Variants in MROH1 observed in about 807,000 individuals in gnomAD.
MROH1 encodes maestro heat-like repeat-containing protein family member 1.
In MROH1, 117 loss-of-function variants were observed where a neutral mutation model predicts 116.5. The observed-to-expected ratio is 1.00, with a 90% CI of 0.86 to 1.17. The LOEUF (loss-of-function observed/expected upper bound fraction) is 1.17, where lower values mean the gene tolerates loss of function less well. Among genes scored for constraint, MROH1 ranks in the 50% most tolerant of loss-of-function variants. MROH1 has a pLI of 0.00. For missense variants in MROH1, 1,873 were observed against 1,338.5 expected (o/e 1.40, Z -6.23); for synonymous variants, 921 against 583.9 (o/e 1.58, Z -8.32).
At chr8:144,219,426 G>A (rs1489876051) in intron 12 of MROH1, among the ~76,000 whole-genome samples, 1 of 152,106 alleles carries the variant, frequency 6.6e-6, no homozygotes, top group East Asian at 1.9e-4. Flanking sequence ...CCAAAGTGCT[G>A]GGTTTACAGC....
At chr8:144,257,241 A>C (rs983577668) in intron 35 of MROH1, among the ~76,000 whole-genome samples, 1 of 152,168 alleles carries the variant, frequency 6.6e-6, no homozygotes. Flanking sequence ...AGGCTTTTCC[A>C]GAGCTGCCTT....
chr8:144,259,386 C>G, intron 37 of MROH1, 32 bp downstream of exon 37: 1 of 714,586 alleles, frequency 1.4e-6, no homozygotes, highest in Non-Finnish European at 2.6e-6. Context: ...TGCTGGGCAC[C>G]AAGGTGGGGC....
Position 144,220,562 on chromosome 8 carries a change from T to A in MROH1, c.1142-38T>A, listed in dbSNP as rs1439197378. On this transcript the variant is annotated intron_variant, in intron 12 of 43. Coordinates refer to ENST00000326134, the MANE Select transcript of MROH1 (RefSeq NM_032450.3). ...TGGAATGGACCTTGAGGTCCTCATC[T>A]CAGTGGTAGGCTGAGCTGTCCTGTT... is the stretch of plus-strand genomic sequence containing the variant. 4 of 1,548,118 alleles carry A rather than the reference T, an allele frequency of 2.6e-6. No homozygotes were observed. The African/African-American group carries it at 5.5e-5, about 21-fold the overall frequency.
intron 37 of MROH1, 81 bp from the exon 38 acceptor site, chr8:144,259,830 C>T: frequency 1.4e-6 from 1 of 710,162 alleles, no homozygotes; most frequent in Admixed American, 2.0e-5. Flanking sequence ...TGGGGACAGC[C>T]TCTGGTGTTC....
chr8:144,195,113 T>G (rs1435463936), intron 10 of MROH1, among the ~76,000 whole-genome samples: 15 of 135,634 alleles, frequency 1.1e-4, no homozygotes, highest in Middle Eastern at 4.1e-3. Flanking sequence ...GAGGATCGCT[T>G]GAGCCCAGGA....
At chr8:144,256,174 C>G (rs1390822838) in intron 35 of MROH1, among the ~76,000 whole-genome samples, 3 of 152,132 alleles carry the variant, frequency 2.0e-5, no homozygotes, top group Non-Finnish European at 4.4e-5. Context: ...ATGAAGCATT[C>G]CAGGTCCTAC....
At chr8:144,213,033 C>T in intron 12 of MROH1, 1 of 779,708 alleles carries the variant, frequency 1.3e-6, no homozygotes, top group Non-Finnish European at 2.4e-6. Context: ...TTGCCATCAG[C>T]AGTCACACGA....
chr8:144,257,236 T>C (rs1844043777), intron 35 of MROH1, among the ~76,000 whole-genome samples: 1 of 152,164 alleles, frequency 6.6e-6, no homozygotes, highest in South Asian at 2.1e-4. Context: ...ACTCCAGGCT[T>C]TTCCAGAGCT....
intron 1 of MROH1, among the ~76,000 whole-genome samples, chr8:144,153,807 C>T (rs1366774365): frequency 6.6e-6 from 1 of 152,242 alleles, no homozygotes; most frequent in Non-Finnish European, 1.5e-5. Flanking sequence ...ATCGCCCAGG[C>T]TGGAGTGCAG....
In MROH1 at chr8:144,250,269, G is replaced by A. The variant is rs1052859902; in HGVS notation, c.3331G>A (p.Val1111Ile). The A allele has an allele frequency of 1.6e-5, 12 of 767,610 alleles. No individual in the cohort carries two copies. Among genetic ancestry groups the A allele is most frequent in the Admixed American group, 3.4e-5 (2 of 58,490 alleles). 47.5% of individuals were successfully genotyped at this position (767,610 alleles called of 1,614,324 possible). ...SKLQEAQGEHVLPAAQHSVYL... is the reference protein window; with the variant it reads ...SKLQEAQGEHILPAAQHSVYL... ...GCTTCAGGAGGCCCAGGGAGAGCAC[G>A]TCCTGCCGGCCGCCCAGCACAGCGT... The change falls in exon 33 of 44, where the codon GTC becomes ATC. Residue 1111 changes from valine (V) to isoleucine (I), a missense_variant. Transcript: ENST00000326134.
chr8:144,258,279 C>T (rs1307007941), intron 35 of MROH1, among the ~76,000 whole-genome samples: 1 of 152,228 alleles, frequency 6.6e-6, no homozygotes, highest in African/African-American at 2.4e-5. Flanking sequence ...CCCTCCAGCT[C>T]TCGGCACCAT....
In MROH1 at chr8:144,261,714, C is replaced by A; in HGVS notation, c.4900C>A (p.Leu1634Met). ...GGTGCGGACGAGGGCTGCTGAGGCCCTGGGCCGCCTGGTGAAGCTCGCCTA... is the reference window on the plus strand; with the variant it reads ...GGTGCGGACGAGGGCTGCTGAGGCCATGGGCCGCCTGGTGAAGCTCGCCTA... ...PEVRTRAAEA[L>M]GRLVKLA The change falls in exon 44 of 44, where the codon CTG becomes ATG. Residue 1634 changes from leucine (L) to methionine (M), a missense_variant. Coordinates refer to ENST00000326134, the MANE Select transcript of MROH1 (RefSeq NM_032450.3). 1.4e-6 allele frequency: 1 copy of A among 721,336 alleles called. No homozygotes were observed. Among genetic ancestry groups the A allele is most frequent in the Non-Finnish European group, 2.5e-6 (1 of 396,234 alleles). The allele number at this position is 721,336 out of a possible 1,614,324, so 44.7% of individuals were successfully genotyped here.
At chr8:144,202,117 A>G (rs191299611) in intron 12 of MROH1, among the ~76,000 whole-genome samples, 12 of 152,094 alleles carry the variant, frequency 7.9e-5, no homozygotes, top group African/African-American at 2.9e-4. Flanking sequence ...AGGTGTAGGC[A>G]CCTCAGGACA....
At chr8:144,242,114 C>T (rs950101756) in intron 22 of MROH1, 17 of 585,754 alleles carry the variant, frequency 2.9e-5, no homozygotes, top group East Asian at 2.0e-4. Context: ...TCTGCTACCT[C>T]GGCCCTTGGC....
Position 144,191,873 on chromosome 8 carries a change from AG to A in MROH1, c.855+20del, listed in dbSNP as rs1564439621. The A allele has an allele frequency of 6.2e-7, 1 of 1,612,646 alleles. No individual in the cohort carries two copies. Among genetic ancestry groups the A allele is most frequent in the Admixed American group, 1.7e-5 (1 of 59,978 alleles). ...TGTCCAAGGTATCTGCAGGCAGGGC[AG>A]GTCTACTGTCCCCGAGGACCCCTCC... On this transcript the variant is annotated intron_variant, in intron 9 of 43. Coordinates refer to ENST00000326134, the MANE Select transcript of MROH1 (RefSeq NM_032450.3).
At chr8:144,210,439 C>T (rs950303499) in intron 12 of MROH1, among the ~76,000 whole-genome samples, 2 of 152,190 alleles carry the variant, frequency 1.3e-5, no homozygotes, top group East Asian at 1.9e-4. Flanking sequence ...CACCTGTAAT[C>T]CCAGCACTTT....
chr8:144,220,744 C>T (rs1487019870), intron 13 of MROH1, 71 bp downstream of exon 13: 1 of 1,385,892 alleles, frequency 7.2e-7, no homozygotes. Flanking sequence ...CCAGGCTGTG[C>T]TGTGAGATCA....
At chr8:144,148,245 G>C (rs1034681468) in intron 1 of MROH1, among the ~76,000 whole-genome samples, 169 bp downstream of exon 1, 1 of 152,156 alleles carries the variant, frequency 6.6e-6, no homozygotes, top group Non-Finnish European at 1.5e-5. Context: ...CCTGGGTGTC[G>C]CGGGGACCTC....
chr8:144,187,903 G>T (rs1827593197), intron 7 of MROH1, among the ~76,000 whole-genome samples: 3 of 152,286 alleles, frequency 2.0e-5, no homozygotes, highest in Non-Finnish European at 2.9e-5. Flanking sequence ...AGCCAGGTGG[G>T]GGTGTAGGAA....
Sources: allele counts gnomAD v4.1 joint callset (sites outside exome capture counted in the v4.1 genomes callset), GRCh38; gene constraint gnomAD v4.1.1; transcripts MANE v1.5; gene names NCBI Gene and HGNC (gene_info 2026-07-23, HGNC 2026-07-21).